Variants in ZFHX3 observed in about 807,000 individuals in gnomAD.
ZFHX3 encodes the protein zinc finger homeobox 3.
Under a neutral mutation model 279.1 loss-of-function variants are expected in ZFHX3, and 42 were observed. The observed-to-expected ratio is 0.15, with a 90% confidence interval of 0.12 to 0.19. ZFHX3 has a LOEUF of 0.19. ZFHX3 is among the 10% of genes least tolerant of loss of function. The pLI is 1.00. For synonymous variants in ZFHX3, 2,293 were observed against 1,957.8 expected (o/e 1.17, Z -4.52); for missense variants, 4,981 against 4,754.0 (o/e 1.05, Z -1.40).
At chr16:73,759,026 T>C (rs2053838074) in intron 1 of ZFHX3, among the ~76,000 whole-genome samples, 1 of 152,244 alleles carries the variant, frequency 6.6e-6, no homozygotes, top group Non-Finnish European at 1.5e-5. Context: ...TGTTAACCAC[T>C]GTGCTTTCCC....
intron 1 of ZFHX3, among the ~76,000 whole-genome samples, chr16:73,037,200 A>C (rs1005264939): frequency 1.3e-5 from 2 of 152,234 alleles, no homozygotes; most frequent in African/African-American, 4.8e-5. Flanking sequence ...AGTATTTTTC[A>C]GTGTAAAGTT....
At position 72,794,861 on chromosome 16, in the gene ZFHX3, T is replaced by C; in HGVS notation, c.7821A>G (p.Pro2607=). Residue 2607 remains proline, a synonymous_variant, in exon 9 of 10, where the codon CCA becomes CCG. Coordinates refer to ENST00000268489, the MANE Select transcript of ZFHX3 (RefSeq NM_006885.4). This position sits in a 1 kb window ranked among gnomAD's most constrained non-coding sequence, Gnocchi z 4.2. ...TCTTGAGAGTGTTCATTGTGGAGGTTGGAGTTGAAGGAGAAGTGGCTGAGC... is the reference window on the plus strand; with the variant it reads ...TCTTGAGAGTGTTCATTGTGGAGGTCGGAGTTGAAGGAGAAGTGGCTGAGC... ...PASSATSPST[P]TSTMNTLKRK... 6.2e-7 allele frequency: 1 copy of C among 1,613,940 alleles called. No homozygotes were observed. Among genetic ancestry groups the C allele is most frequent in the Non-Finnish European group, 8.5e-7 (1 of 1,180,018 alleles).
chr16:73,643,142 T>A (rs2052588531), intron 2 of ZFHX3, among the ~76,000 whole-genome samples: 1 of 152,192 alleles, frequency 6.6e-6, no homozygotes. Context: ...TAAAACAATA[T>A]TTTAGGCAAA....
At chr16:73,049,344 C>A (rs1157534490), upstream of ZFHX3, among the ~76,000 whole-genome samples, 2 of 152,180 alleles carry the variant, frequency 1.3e-5, no homozygotes, top group Non-Finnish European at 2.9e-5. Context: ...AATAATGAAC[C>A]ATGCAAGTGT....
At chr16:73,569,925 C>G (rs2051716887) in intron 2 of ZFHX3, among the ~76,000 whole-genome samples, 2 of 152,100 alleles carry the variant, frequency 1.3e-5, no homozygotes, top group East Asian at 3.9e-4. Context: ...CACCCGTTTC[C>G]CTTAATCACC....
chr16:73,261,265 C>A (rs117371356), intron 4 of ZFHX3, among the ~76,000 whole-genome samples: 2,198 of 152,160 alleles, frequency 0.014, 23 homozygotes, highest in Middle Eastern at 0.024. Context: ...TAGTGTGTTA[C>A]CATTTGTGCA....
Position 73,598,909 on chromosome 16 carries a change from C to G in ZFHX3, c.-1547+81271G>C, listed in dbSNP as rs547587858. On this transcript the variant is annotated intron_variant, in intron 2 of 17. Transcript: ENST00000641206. The stretch of plus-strand genomic sequence containing the variant: ...TACCGAGTAGCTGGGATTACAGGAG[C>G]CTGCCACCACGCCTGGCTAATTTTT... Among the ~76,000 whole-genome samples, 13 of 152,220 alleles carry G rather than the reference C, an allele frequency of 8.5e-5. No individual in the cohort carries two copies. The South Asian group carries it at 2.7e-3, about 32-fold the overall frequency.
intron 1 of ZFHX3, among the ~76,000 whole-genome samples, chr16:73,788,484 A>T (rs1959727206): frequency 6.6e-6 from 1 of 152,168 alleles, no homozygotes; most frequent in African/African-American, 2.4e-5. Flanking sequence ...GTGACTTCAC[A>T]ACAGACTTCT....
intron 1 of ZFHX3, among the ~76,000 whole-genome samples, chr16:73,714,978 G>A (rs1209051307): frequency 1.3e-5 from 2 of 152,176 alleles, no homozygotes; most frequent in Non-Finnish European, 2.9e-5. Context: ...CTCTCTCTGA[G>A]AATCGTTCAT....
chr16:72,919,848 C>T (rs2039538703), intron 3 of ZFHX3, among the ~76,000 whole-genome samples: 1 of 113,470 alleles, frequency 8.8e-6, no homozygotes, highest in African/African-American at 3.4e-5. Flanking sequence ...GGCTGGAGTG[C>T]AGTGGCACGA....
chr16:73,196,633 C>T (rs1304609937), intron 5 of ZFHX3, among the ~76,000 whole-genome samples: 1 of 151,612 alleles, frequency 6.6e-6, no homozygotes, highest in African/African-American at 2.4e-5. Context: ...TTTAGCAGAA[C>T]ATCTGAGTTG....
intron 1 of ZFHX3, among the ~76,000 whole-genome samples, chr16:73,682,986 GAAA>G (rs1567550798): frequency 8.9e-5 from 3 of 33,890 alleles, no homozygotes; most frequent in Non-Finnish European, 1.7e-4. Flanking sequence ...AAGAAAGAAA[GAAA>G]GAAAAGAAAG....
At chr16:73,604,623 G>C (rs746240984) in intron 2 of ZFHX3, among the ~76,000 whole-genome samples, 1 of 151,994 alleles carries the variant, frequency 6.6e-6, no homozygotes, top group Non-Finnish European at 1.5e-5. Context: ...GCAGATACCT[G>C]TAATCCCAGC....
exon 1 of ZFHX3, chr16:73,059,372 G>GCA (rs59438799): frequency 0.28 from 40,926 of 145,940 alleles, 6,135 homozygotes; most frequent in East Asian, 0.48. Flanking sequence ...ACGAGCGCGC[G>GCA]CACACACACA....
intron 1 of ZFHX3, among the ~76,000 whole-genome samples, chr16:73,020,671 T>C (rs1034613734): frequency 1.3e-5 from 2 of 152,234 alleles, no homozygotes; most frequent in African/African-American, 2.4e-5. Context: ...AATGTTGAGT[T>C]TGACTCAACG....
Position 73,500,777 on chromosome 16 carries a change from T to C in ZFHX3, c.-1546-44519A>G, listed in dbSNP as rs191908851. Among the ~76,000 whole-genome samples, 114 of 151,208 alleles carry C rather than the reference T, an allele frequency of 7.5e-4. No homozygotes were observed. The Middle Eastern group carries it at 0.014, about 19-fold the overall frequency. ...TAAACACAATGTGTGTTTTAAGCTG[T>C]GTTATTCCAAATTTTTTAGATAGTA... On this transcript the variant is annotated intron_variant, in intron 2 of 17. Coordinates refer to the ZFHX3 transcript ENST00000641206.
chr16:73,811,735 G>A (rs949554978), intron 1 of ZFHX3, among the ~76,000 whole-genome samples: 8 of 151,944 alleles, frequency 5.3e-5, no homozygotes, highest in Non-Finnish European at 1.0e-4. Context: ...ATGAGCCACC[G>A]CGCCCGGGCC....
rs181759190 is a variant in ZFHX3 at position 73,879,634 on chromosome 16, C to G, written c.-1608+12017G>C. Among the ~76,000 whole-genome samples, 345 of 152,226 alleles carry G rather than the reference C, an allele frequency of 2.3e-3. 4 individuals carry two copies. Among genetic ancestry groups the G allele is most frequent in the Non-Finnish European group, 4.3e-4 (29 of 67,994 alleles). On this transcript the variant is annotated intron_variant, in intron 1 of 17. Transcript: ENST00000641206. ...CTGTAATTAAATAAGAATTTGTTTT[C>G]ACTAGTACTAGCAAAAAGAGAGTAA...
intron 3 of ZFHX3, among the ~76,000 whole-genome samples, chr16:72,906,298 T>C (rs1488894138): frequency 6.6e-6 from 1 of 151,992 alleles, no homozygotes; most frequent in Non-Finnish European, 1.5e-5. Context: ...ATCCCCTGCT[T>C]ACACTCAGTA....
Sources: allele counts gnomAD v4.1 joint callset (sites outside exome capture counted in the v4.1 genomes callset), GRCh38; gene constraint gnomAD v4.1.1; non-coding constraint Gnocchi (gnomAD v3.1); transcripts MANE v1.5; gene names NCBI Gene and HGNC (gene_info 2026-07-23, HGNC 2026-07-21).